ME3: variants seen among roughly 807,000 people sequenced by gnomAD.
ME3 encodes the protein malic enzyme 3, also known as NADP-dependent malic enzyme, mitochondrial.
ME3 carries 48 observed loss-of-function variants against 68.9 expected under a neutral mutation model. The ratio of observed to expected loss-of-function variants is 0.70; its 90% CI spans 0.55 to 0.89. The LOEUF is 0.89. Ranked by LOEUF, ME3 falls within the 40% of genes least tolerant of loss-of-function variation. The pLI is 0.00. For missense variants in ME3, 675 were observed against 797.4 expected (o/e 0.85, Z 1.85); for synonymous variants, 320 against 318.8 (o/e 1.00, Z -0.04).
chr11:86,435,535 C>T, the ME3 span: 1 of 152,066 alleles, frequency 6.6e-6, no homozygotes, highest in African/African-American at 2.4e-5. Flanking sequence ...AAAGGGAAAC[C>T]CAGAAAAGCT....
intron 2 of ME3, among the ~76,000 whole-genome samples, chr11:86,601,437 G>C (rs975903700): frequency 1.4e-4 from 21 of 151,986 alleles, no homozygotes; most frequent in Admixed American, 1.2e-3. Flanking sequence ...CCAATAACAG[G>C]CTCTGAAATT....
chr11:86,571,637 AT>A (rs1565155586), intron 2 of ME3, among the ~76,000 whole-genome samples: 1 of 152,148 alleles, frequency 6.6e-6, no homozygotes. Context: ...TCTTTCCCAC[AT>A]GGCGGATCAC....
chr11:86,627,761 T>G (rs1320910594), intron 2 of ME3, among the ~76,000 whole-genome samples: 1 of 152,166 alleles, frequency 6.6e-6, no homozygotes, highest in Non-Finnish European at 1.5e-5. Context: ...GCAGATTTAA[T>G]GTCCAGCAGA....
chr11:86,570,333 G>C (rs1014452724), intron 2 of ME3, among the ~76,000 whole-genome samples: 1 of 152,192 alleles, frequency 6.6e-6, no homozygotes, highest in Non-Finnish European at 1.5e-5. Flanking sequence ...CTGATGAGCT[G>C]TTAGGGGACC....
intron 7 of ME3, among the ~76,000 whole-genome samples, chr11:86,473,679 T>A (rs916404942): frequency 6.6e-6 from 1 of 152,076 alleles, no homozygotes; most frequent in Non-Finnish European, 1.5e-5. Context: ...TGCCACAGAC[T>A]TGCATGAAGA....
intron 8 of ME3, chr11:86,462,729 T>G: frequency 5.4e-6 from 3 of 557,594 alleles, no homozygotes; most frequent in Non-Finnish European, 9.4e-6. Flanking sequence ...AAGCTTATTA[T>G]CTTCTGGGAA....
intron 4 of ME3, among the ~76,000 whole-genome samples, chr11:86,517,549 G>A (rs1953974971): frequency 6.6e-6 from 1 of 152,048 alleles, no homozygotes; most frequent in African/African-American, 2.4e-5. Context: ...CGACATGTTG[G>A]AGCTCTGATT....
At chr11:86,550,540 A>T (rs1252122397) in intron 4 of ME3, among the ~76,000 whole-genome samples, 3 of 152,194 alleles carry the variant, frequency 2.0e-5, no homozygotes, top group Admixed American at 1.3e-4. Context: ...CAGTCTACTC[A>T]AGGACGCCTT....
intron 8 of ME3, among the ~76,000 whole-genome samples, chr11:86,457,195 C>T (rs1949989601): frequency 6.6e-6 from 1 of 152,192 alleles, no homozygotes; most frequent in South Asian, 2.1e-4. Flanking sequence ...CATACAAATA[C>T]ACTGTAAAAC....
intron 8 of ME3, among the ~76,000 whole-genome samples, chr11:86,461,191 A>G (rs1230373557): frequency 6.6e-6 from 1 of 152,120 alleles, no homozygotes; most frequent in East Asian, 1.9e-4. Context: ...TCCAAATCAG[A>G]CATAATGGGG....
At chr11:86,514,890 G>T (rs184323249) in intron 4 of ME3, among the ~76,000 whole-genome samples, 6 of 152,158 alleles carry the variant, frequency 3.9e-5, no homozygotes, top group Admixed American at 6.5e-5. Context: ...GAGTCAGATC[G>T]CCTGGGCTCA....
intron 8 of ME3, among the ~76,000 whole-genome samples, chr11:86,458,338 T>C (rs1185818153): frequency 6.6e-6 from 1 of 152,204 alleles, no homozygotes; most frequent in Non-Finnish European, 1.5e-5. Context: ...GCTTTCTACA[T>C]TACTTCAGTG....
intron 4 of ME3, among the ~76,000 whole-genome samples, chr11:86,544,135 C>A (rs761299773): frequency 2.5e-4 from 38 of 152,286 alleles, no homozygotes; most frequent in Non-Finnish European, 5.3e-4. Flanking sequence ...GTACCAGAAT[C>A]TCTGGGACAC....
At chr11:86,634,005 C>G (rs1456191232) in intron 2 of ME3, among the ~76,000 whole-genome samples, 1 of 152,204 alleles carries the variant, frequency 6.6e-6, no homozygotes, top group Non-Finnish European at 1.5e-5. Flanking sequence ...CCTTCCTGCA[C>G]TTATTCTCCC....
chr11:86,464,267 A>G (rs563993995), intron 8 of ME3: 53 of 335,510 alleles, frequency 1.6e-4, no homozygotes, highest in African/African-American at 8.4e-4. Flanking sequence ...AGCATCATCA[A>G]GGTTTCTCTC....
At chr11:86,634,134 G>T (rs1944188128) in intron 2 of ME3, among the ~76,000 whole-genome samples, 1 of 151,714 alleles carries the variant, frequency 6.6e-6, no homozygotes, top group African/African-American at 2.4e-5. Flanking sequence ...AAGAAAAAAA[G>T]GAGAAGGAAG....
intron 2 of ME3, among the ~76,000 whole-genome samples, chr11:86,653,176 G>C (rs1457787385): frequency 6.6e-6 from 1 of 152,100 alleles, no homozygotes; most frequent in African/African-American, 2.4e-5. Context: ...GTCAACATTA[G>C]ACAGATGAAC....
intron 2 of ME3, among the ~76,000 whole-genome samples, chr11:86,625,834 G>T (rs1384225483): frequency 1.3e-5 from 2 of 152,148 alleles, no homozygotes; most frequent in Non-Finnish European, 2.9e-5. Context: ...CTGCTTTCTA[G>T]CTGAGTGTAA....
At chr11:86,457,043 G>C (rs976841392) in intron 8 of ME3, among the ~76,000 whole-genome samples, 3 of 152,028 alleles carry the variant, frequency 2.0e-5, no homozygotes, top group Admixed American at 2.0e-4. Flanking sequence ...TTTTCCCCCT[G>C]TTACCATCGA....
Sources: allele counts gnomAD v4.1 joint callset (sites outside exome capture counted in the v4.1 genomes callset), GRCh38; gene constraint gnomAD v4.1.1; transcripts MANE v1.5; gene names NCBI Gene and HGNC (gene_info 2026-07-23, HGNC 2026-07-21).